The following TCF3 variants were observed in gnomAD, a reference collection of about 807,000 sequenced individuals.
TCF3 encodes transcription factor 3.
TCF3 carries 54 observed loss-of-function variants against 72.3 expected under a neutral mutation model. The ratio of observed to expected loss-of-function variants is 0.75; its 90% confidence interval spans 0.60 to 0.94. TCF3 has a LOEUF of 0.94. TCF3 is among the 40% of genes least tolerant of loss of function. The pLI, the probability that TCF3 is intolerant of heterozygous loss-of-function variation, is 0.00. For synonymous variants in TCF3, 525 were observed against 412.6 expected, an observed-to-expected ratio of 1.27 and a Z score of -3.30; for missense variants, 1,078 against 934.4, an observed-to-expected ratio of 1.15 and a Z score of -2.00.
At chr19:1,627,546 C>A (rs549730866) in intron 5 of TCF3, 120 bp from the exon 6 acceptor site, 2 of 870,882 alleles carry the variant, frequency 2.3e-6, no homozygotes, top group Non-Finnish European at 3.7e-6. Context: ...GAGAGCGCCA[C>A]GGCAGGATGC....
intron 3 of TCF3, among the ~76,000 whole-genome samples, chr19:1,640,831 G>A (rs938718394): frequency 6.7e-6 from 1 of 150,210 alleles, no homozygotes; most frequent in Non-Finnish European, 1.5e-5. Flanking sequence ...GATGTAAATT[G>A]TTGTATTACT....
chr19:1,624,583 C>T (rs940720172), intron 7 of TCF3, among the ~76,000 whole-genome samples: 1 of 152,164 alleles, frequency 6.6e-6, no homozygotes, highest in Non-Finnish European at 1.5e-5. Flanking sequence ...AAGATGGCCC[C>T]GACTATCCCA....
chr19:1,615,448 GGC>G lies in TCF3; in HGVS notation c.1657_1658del (p.Ala553GlnfsTer2). On this transcript the variant is annotated frameshift_variant, in exon 18 of 19. Coordinates refer to ENST00000262965, the MANE Select transcript of TCF3 (RefSeq NM_003200.5). LOFTEE classifies it high-confidence loss of function. This position sits in a 1 kb window ranked among gnomAD's most constrained non-coding sequence, Gnocchi z 7.3. ...KAEREKERRV[A>X]NNARERLRVR... ...CCCGCAGCCGCTCCCGGGCGTTATT[GGC>G]CACCCGGCGCTCCTTCTCCCGCTCG... The G allele has an allele frequency of 6.2e-7, 1 of 1,613,190 alleles. No homozygotes were observed.
chr19:1,651,490 G>C (rs563211016), intron 1 of TCF3: 9 of 224,316 alleles, frequency 4.0e-5, no homozygotes, highest in African/African-American at 1.3e-4. Flanking sequence ...TTGTGGGGTA[G>C]CTGAAACCGA....
chr19:1,629,747 C>A (rs1034898796), intron 5 of TCF3, among the ~76,000 whole-genome samples: 2 of 152,162 alleles, frequency 1.3e-5, no homozygotes, highest in African/African-American at 2.4e-5. Context: ...GGGGCTGGGA[C>A]GCGCGATCGA....
chr19:1,627,194 C>T (rs1039249834), intron 6 of TCF3, among the ~76,000 whole-genome samples, 165 bp downstream of exon 6: 25 of 152,230 alleles, frequency 1.6e-4, no homozygotes, highest in African/African-American at 5.3e-4. Context: ...CCTCTGCTCC[C>T]GGTCCACACC....
intron 3 of TCF3, among the ~76,000 whole-genome samples, chr19:1,636,082 T>C (rs28460457): frequency 0.011 from 1,689 of 152,304 alleles, 34 homozygotes; most frequent in African/African-American, 0.038. Context: ...CCAGCCCCTC[T>C]GGGGGTCATG....
At chr19:1,625,172 G>C (rs1350727309) in intron 7 of TCF3, among the ~76,000 whole-genome samples, 1 of 152,230 alleles carries the variant, frequency 6.6e-6, no homozygotes, top group Non-Finnish European at 1.5e-5. Flanking sequence ...ATGGGCCCCG[G>C]GTAGTTCAAG....
Position 1,619,765 on chromosome 19 carries a change from G to GGGGC in TCF3, c.1167+11_1167+14dup. 1 of 1,546,638 alleles carries GGGGC rather than the reference G, an allele frequency of 6.5e-7. No individual in the cohort carries two copies. The highest frequency in any genetic ancestry group is 2.4e-5 in the East Asian group (1 of 40,856). The stretch of plus-strand genomic sequence containing the variant: ...CTGTCGGGGAAGGGTGGGGTGGGGC[G>GGGGC]GGGCAGGCACTCACCAGGCCGTGGA... On this transcript the variant is annotated intron_variant, in intron 14 of 18. Coordinates refer to ENST00000262965, the MANE Select transcript of TCF3 (RefSeq NM_003200.5).
At chr19:1,633,628 C>A (rs74951670) in intron 3 of TCF3, among the ~76,000 whole-genome samples, 2 of 152,160 alleles carry the variant, frequency 1.3e-5, no homozygotes, top group Admixed American at 6.5e-5. Flanking sequence ...AATATTCATG[C>A]GCCTCATTTA....
chr19:1,643,787 T>C (rs1035811652), intron 3 of TCF3, among the ~76,000 whole-genome samples: 2 of 152,244 alleles, frequency 1.3e-5, no homozygotes, highest in Non-Finnish European at 2.9e-5. Flanking sequence ...AGGGACACCT[T>C]TTATTCTCAC....
Position 1,619,655 on chromosome 19 carries a change from G to A in TCF3, c.1167+125C>T, listed in dbSNP as rs933447419. On this transcript the variant is annotated intron_variant, in intron 14 of 18. Transcript: ENST00000262965. The stretch of plus-strand genomic sequence containing the variant: ...AAAATGTGTGTGCCTTGGCGGCCAC[G>A]AGGCCTCAATAACAGCTTGGGGCTT... The A allele has an allele frequency of 1.2e-5, 15 of 1,265,844 alleles. No homozygotes were observed. In the African/African-American group the frequency reaches 1.4e-4, roughly 11 times the overall value. The allele number at this position is 1,265,844 out of a possible 1,614,324, so 78.4% of individuals were successfully genotyped here.
chr19:1,625,116 G>A (rs1238508136), intron 7 of TCF3, among the ~76,000 whole-genome samples: 2 of 152,228 alleles, frequency 1.3e-5, no homozygotes, highest in Non-Finnish European at 1.5e-5. Flanking sequence ...AGAGAAGCTG[G>A]GACCCCAGGT....
At chr19:1,623,872 T>G in intron 8 of TCF3, 79 bp downstream of exon 8, 1 of 1,468,402 alleles carries the variant, frequency 6.8e-7, no homozygotes, top group Non-Finnish European at 9.4e-7. Context: ...GCCATGTGTG[T>G]TCCCAAGCTT....
intron 3 of TCF3, among the ~76,000 whole-genome samples, chr19:1,645,866 G>C (rs1037408301): frequency 6.6e-6 from 1 of 152,144 alleles, no homozygotes; most frequent in Non-Finnish European, 1.5e-5. Flanking sequence ...CACAATGGCC[G>C]GTCACCCTGG....
At chr19:1,625,135 C>A (rs989497357) in intron 7 of TCF3, among the ~76,000 whole-genome samples, 4 of 152,260 alleles carry the variant, frequency 2.6e-5, no homozygotes, top group Admixed American at 2.0e-4. Flanking sequence ...GTGAGTGCCG[C>A]CATGCCTGGC....
At chr19:1,623,725 C>T (rs968508264) in intron 8 of TCF3, among the ~76,000 whole-genome samples, 1 of 152,160 alleles carries the variant, frequency 6.6e-6, no homozygotes, top group Non-Finnish European at 1.5e-5. Flanking sequence ...ACCAGGACTG[C>T]CTTTCTCTCA....
At chr19:1,618,677 C>G (rs2061814618) in intron 16 of TCF3, among the ~76,000 whole-genome samples, 1 of 152,222 alleles carries the variant, frequency 6.6e-6, no homozygotes, top group South Asian at 2.1e-4. Flanking sequence ...CAGATGCTGC[C>G]CAAACACCAC....
At chr19:1,651,024 A>T (rs1190274979) in intron 1 of TCF3, 1 of 231,714 alleles carries the variant, frequency 4.3e-6, no homozygotes, top group East Asian at 6.1e-5. Context: ...ATTATTTTTA[A>T]GCAAAACTTT....
Sources: gnomAD v4.1 joint callset for allele counts (sites outside exome capture counted in the v4.1 genomes callset) on GRCh38, gnomAD v4.1.1 for gene constraint, Gnocchi (gnomAD v3.1) non-coding constraint, MANE v1.5 for transcripts, NCBI Gene and HGNC (gene_info 2026-07-23, HGNC 2026-07-21) for gene names.